The following ANK3 variants were observed in gnomAD, a reference collection of about 807,000 sequenced individuals.
ANK3 encodes ankyrin-3.
ANK3 carries 57 observed loss-of-function variants against 370.9 expected under a neutral mutation model. The ratio of observed to expected loss-of-function variants is 0.15; its 90% confidence interval spans 0.12 to 0.19. The LOEUF is 0.19. Among genes scored for constraint, ANK3 ranks in the 10% least tolerant of loss-of-function variants. The pLI, the probability that ANK3 is intolerant of heterozygous loss-of-function variation, is 1.00. For synonymous variants in ANK3, 1,929 were observed against 1,946.3 expected, an observed-to-expected ratio of 0.99 and a Z score of 0.23; for missense variants, 4,439 against 5,302.1, an observed-to-expected ratio of 0.84 and a Z score of 5.06.
intron 2 of ANK3, among the ~76,000 whole-genome samples, chr10:60,430,999 A>G (rs934424333): frequency 6.6e-6 from 1 of 152,198 alleles, no homozygotes; most frequent in African/African-American, 2.4e-5. Context: ...GGCACCAGGA[A>G]CTGGTTTTGT....
chr10:60,070,951 G>T lies in ANK3; in HGVS notation c.9930C>A (p.Pro3310=). Residue 3310 remains proline, a synonymous_variant, in exon 37 of 44, where the codon CCC becomes CCA. Transcript: ENST00000280772. This position sits in a 1 kb window ranked among gnomAD's most constrained non-coding sequence, Gnocchi z 5.7. The part of the protein sequence containing the change: ...IRVQPPSPVP[P]GADVSDSSDD... ...CGCTTGAATCACTGACGTCTGCCCC[G>T]GGAGGAACTGGTGAAGGTGGCTGCA... The T allele has an allele frequency of 1.2e-6, 2 of 1,614,030 alleles. No homozygotes were observed. Among genetic ancestry groups the T allele is most frequent in the Non-Finnish European group, 1.7e-6 (2 of 1,179,992 alleles).
intron 7 of ANK3, among the ~76,000 whole-genome samples, chr10:60,250,433 C>T (rs570691095): frequency 4.9e-4 from 75 of 152,260 alleles, no homozygotes; most frequent in East Asian, 4.6e-3. Context: ...GGCACAATCT[C>T]GGCTCACTGC....
intron 41 of ANK3, among the ~76,000 whole-genome samples, chr10:60,058,810 G>A (rs1367217229): frequency 1.3e-5 from 2 of 152,182 alleles, no homozygotes; most frequent in Non-Finnish European, 2.9e-5. Context: ...CTGGAGTGCA[G>A]TGGTGTGATC....
At chr10:60,670,343 C>T (rs553868185) in intron 1 of ANK3, among the ~76,000 whole-genome samples, 65 of 152,110 alleles carry the variant, frequency 4.3e-4, no homozygotes, top group Non-Finnish European at 8.4e-4. Context: ...GCACCACCAC[C>T]CTCAGAACTG....
At chr10:60,376,864 T>C (rs986401097) in intron 1 of ANK3, among the ~76,000 whole-genome samples, 2 of 152,218 alleles carry the variant, frequency 1.3e-5, no homozygotes, top group Admixed American at 6.5e-5. Flanking sequence ...CTAGTATTAA[T>C]ATATTAACTG....
chr10:60,074,777 T>C lies in ANK3; in HGVS notation c.6104A>G (p.Asp2035Gly), dbSNP rs779743785. ...ACTCCCAATATCATTTGTTAGGTAATCAATAACTTTGGTCAAGTTATAATC... is the reference window on the plus strand; with the variant it reads ...ACTCCCAATATCATTTGTTAGGTAACCAATAACTTTGGTCAAGTTATAATC... ...EKDYNLTKVI[D>G]YLTNDIGSSS... Residue 2035 changes from aspartate to glycine, a missense_variant, in exon 37 of 44, where the codon GAT (aspartate) becomes GGT (glycine). This residue lies in a region of ANK3 where 679 missense variants were observed against 791.0 expected (regional missense o/e 0.86). Coordinates refer to ENST00000280772, the MANE Select transcript of ANK3 (RefSeq NM_020987.5). The C allele has an allele frequency of 2.5e-6, 4 of 1,614,136 alleles. No homozygotes were observed. The East Asian group carries it at 8.9e-5, about 36-fold the overall frequency.
chr10:60,174,346 C>T (rs757842370), intron 18 of ANK3, among the ~76,000 whole-genome samples: 2 of 152,212 alleles, frequency 1.3e-5, no homozygotes, highest in Non-Finnish European at 2.9e-5. Context: ...AGGAAACTGA[C>T]TTACAACCTC....
chr10:60,733,487 C>T (rs2080058008), exon 1 of ANK3: 1 of 532,576 alleles, frequency 1.9e-6, no homozygotes, highest in African/African-American at 2.0e-5. Context: ...CCTCCTCCTG[C>T]TGTGTCCGCT....
chr10:60,512,591 T>A (rs553589903), intron 2 of ANK3, among the ~76,000 whole-genome samples: 1 of 152,136 alleles, frequency 6.6e-6, no homozygotes, highest in Non-Finnish European at 1.5e-5. Flanking sequence ...TGGTCCAGGA[T>A]GCTATCAATT....
intron 2 of ANK3, among the ~76,000 whole-genome samples, chr10:60,486,988 A>G (rs2075366038): frequency 6.6e-6 from 1 of 152,206 alleles, no homozygotes; most frequent in Admixed American, 6.5e-5. Flanking sequence ...CACAATGCTG[A>G]ACTTTTAAGT....
In ANK3 at chr10:60,115,436, G is replaced by C. The variant is rs2093016674; in HGVS notation, c.2842-1105C>G. Among the ~76,000 whole-genome samples the C allele has an allele frequency of 2.6e-5, 4 of 152,190 alleles. No homozygotes were observed. The South Asian group carries it at 8.3e-4, about 32-fold the overall frequency. ...AGTGAAAAATTGCCAAGCATGGTCA[G>C]AGTGTGTGGATAAAACCAGAAAAAT... On this transcript the variant is annotated intron_variant, in intron 25 of 43. Coordinates refer to ENST00000280772, the MANE Select transcript of ANK3 (RefSeq NM_020987.5).
In ANK3 at chr10:60,053,750, G is replaced by A. The variant is rs973676291; in HGVS notation, c.13065+1908C>T. ...GACCTGATTTTTTAGGGGATAAAAAGGGGGCTGTTTTCTGAGATCATACAT... is the reference window on the plus strand; with the variant it reads ...GACCTGATTTTTTAGGGGATAAAAAAGGGGCTGTTTTCTGAGATCATACAT... On this transcript the variant is annotated intron_variant, in intron 42 of 43. Coordinates refer to ENST00000280772, the MANE Select transcript of ANK3 (RefSeq NM_020987.5). 4 of 1,303,482 alleles carry A rather than the reference G, an allele frequency of 3.1e-6. No individual in the cohort carries two copies. In the African/African-American group the frequency reaches 4.6e-5, roughly 15 times the overall value. The allele number at this position is 1,303,482 out of a possible 1,614,324, so 80.7% of individuals were successfully genotyped here. A position where few individuals can be genotyped will look rare whatever the true frequency, so the allele number is the denominator to read the frequency against.
chr10:60,435,854 C>T (rs1376655684), intron 2 of ANK3, among the ~76,000 whole-genome samples: 1 of 152,138 alleles, frequency 6.6e-6, no homozygotes, highest in Non-Finnish European at 1.5e-5. Flanking sequence ...AATCCCAGCA[C>T]TTTGGGAGGC....
Position 60,076,390 on chromosome 10 carries a change from G to C in ANK3, c.4491C>G (p.Phe1497Leu). ...AGGACTGGTATGGTCTTGTAGAAAA[G>C]AATGGCTTGTATGAGTAAGTGGTGG... ...SLPTTYSYKP[F>L]FSTRPYQSWT... The change falls in exon 37 of 44, where the codon TTC (phenylalanine) becomes TTG (leucine). Residue 1497 changes from phenylalanine (F) to leucine (L), a missense_variant. Physicochemically the swap from Phe to Leu is conservative, Grantham distance 22. Around this residue, in one of 13 missense-constraint regions of ANK3, gnomAD observed 679 missense variants for 791.0 expected, o/e 0.86. Coordinates refer to ENST00000280772, the MANE Select transcript of ANK3 (RefSeq NM_020987.5). The C allele has an allele frequency of 1.2e-6, 2 of 1,613,944 alleles. No individual in the cohort carries two copies. The highest frequency in any genetic ancestry group is 1.7e-6 in the Non-Finnish European group (2 of 1,179,944).
chr10:60,181,425 G>T lies in ANK3; in HGVS notation c.2088C>A (p.Ser696Arg). The change falls in exon 18 of 44, where the codon AGC (serine) becomes AGA (arginine). Residue 696 changes from serine (S) to arginine (R), a missense_variant and splice_region_variant. Around this residue, in one of 13 missense-constraint regions of ANK3, gnomAD observed 702 missense variants for 941.5 expected, o/e 0.75. Transcript: ENST00000280772. ...CAGCCAAATGGAGTGGGGTCAGGCC[G>T]CTCTGCAAAAGATTCAAAGGGCACA... Reference protein sequence around the residue: ...RNANVNLSNKSGLTPLHLAAQ... With the variant: ...RNANVNLSNKRGLTPLHLAAQ... 1 of 1,613,956 alleles carries T rather than the reference G, an allele frequency of 6.2e-7. No individual in the cohort carries two copies. The highest frequency in any genetic ancestry group is 8.5e-7 in the Non-Finnish European group (1 of 1,179,892).
intron 1 of ANK3, among the ~76,000 whole-genome samples, chr10:60,699,392 C>T (rs1203039460): frequency 6.6e-6 from 1 of 152,054 alleles, no homozygotes; most frequent in Admixed American, 6.6e-5. Context: ...TAAAAAGTCT[C>T]ACCCATCTCT....
intron 1 of ANK3, among the ~76,000 whole-genome samples, chr10:60,361,687 T>A (rs937993529): frequency 1.3e-5 from 2 of 152,202 alleles, no homozygotes; most frequent in Non-Finnish European, 2.9e-5. Context: ...GTCCAAGAAA[T>A]ATTCTGAGGA....
At chr10:60,693,286 C>A (rs1160496743) in intron 1 of ANK3, among the ~76,000 whole-genome samples, 3 of 152,186 alleles carry the variant, frequency 2.0e-5, no homozygotes, top group Non-Finnish European at 4.4e-5. Context: ...TGCTAGCAGT[C>A]TGAGATCAAA....
intron 1 of ANK3, among the ~76,000 whole-genome samples, chr10:60,641,577 T>C (rs1490347393): frequency 1.3e-5 from 2 of 151,534 alleles, no homozygotes; most frequent in Non-Finnish European, 2.9e-5. Context: ...TGGCTAGCCA[T>C]ATGGAGAAAG....
Sources: allele counts gnomAD v4.1 joint callset (sites outside exome capture counted in the v4.1 genomes callset), GRCh38; gene constraint gnomAD v4.1.1; regional missense constraint gnomAD v4.1.1; non-coding constraint Gnocchi (gnomAD v3.1); transcripts MANE v1.5; gene names NCBI Gene and HGNC (gene_info 2026-07-23, HGNC 2026-07-21).